SNTG2: variants seen among roughly 807,000 people sequenced by gnomAD.
SNTG2 encodes the protein gamma-2-syntrophin.
In SNTG2, 74 loss-of-function variants were observed where a neutral mutation model predicts 70.9. The ratio of observed to expected loss-of-function variants is 1.04; its 90% CI spans 0.86 to 1.27. The LOEUF is 1.27. SNTG2 is among the 50% of genes most tolerant of loss of function. The pLI, the probability that SNTG2 is intolerant of heterozygous loss-of-function variation, is 0.00. For missense variants in SNTG2, 717 were observed against 690.7 expected (o/e 1.04, Z -0.43); for synonymous variants, 278 against 273.8 (o/e 1.02, Z -0.15).
At chr2:1,140,430 C>T (rs28472506) in intron 6 of SNTG2, among the ~76,000 whole-genome samples, 28,749 of 152,074 alleles carry the variant, frequency 0.19, 2,795 homozygotes, top group Non-Finnish European at 0.22. Context: ...AGATCGATGA[C>T]GGCTGTCACT....
intron 4 of SNTG2, among the ~76,000 whole-genome samples, chr2:1,110,026 G>A (rs1233574479): frequency 1.3e-5 from 2 of 152,156 alleles, no homozygotes; most frequent in African/African-American, 2.4e-5. Flanking sequence ...GGTTGGACAC[G>A]AGGCTCACTG....
chr2:1,209,261 T>G (rs752882850), intron 9 of SNTG2, 31 bp downstream of exon 9: 30 of 1,613,364 alleles, frequency 1.9e-5, no homozygotes, highest in Non-Finnish European at 2.5e-5. Flanking sequence ...ATGGGAAACT[T>G]TGATGAACCC....
intron 1 of SNTG2, among the ~76,000 whole-genome samples, chr2:965,327 C>T (rs1421246850): frequency 6.3e-5 from 8 of 127,972 alleles, no homozygotes; most frequent in Non-Finnish European, 1.2e-4. Context: ...TCCTTGGACC[C>T]CAATCCTCCT....
At chr2:1,179,877 C>A (rs996494318) in intron 8 of SNTG2, among the ~76,000 whole-genome samples, 47 of 142,952 alleles carry the variant, frequency 3.3e-4, no homozygotes, top group African/African-American at 1.2e-3. Context: ...AGATATAGAT[C>A]AATGGAACAG....
chr2:1,197,215 G>A (rs939675602), intron 8 of SNTG2, among the ~76,000 whole-genome samples: 2 of 151,936 alleles, frequency 1.3e-5, no homozygotes, highest in Admixed American at 1.3e-4. Flanking sequence ...ATTATATGCT[G>A]CCCACAAGAA....
intron 12 of SNTG2, among the ~76,000 whole-genome samples, chr2:1,251,854 C>T (rs1351660743): frequency 6.6e-6 from 1 of 152,226 alleles, no homozygotes; most frequent in African/African-American, 2.4e-5. Context: ...CATGCACACA[C>T]ACCCAGACCA....
chr2:1,327,098 T>A (rs898538673), intron 16 of SNTG2, among the ~76,000 whole-genome samples: 6 of 152,128 alleles, frequency 3.9e-5, no homozygotes, highest in Non-Finnish European at 8.8e-5. Flanking sequence ...CCAGTTTTTG[T>A]TGCTGGAAAT....
chr2:1,069,980 T>A (rs1663417576), intron 1 of SNTG2, among the ~76,000 whole-genome samples: 1 of 152,006 alleles, frequency 6.6e-6, no homozygotes, highest in African/African-American at 2.4e-5. Flanking sequence ...CCACTGTTTC[T>A]CCCTCCAAGT....
At chr2:1,337,505 G>T (rs1659876731) in intron 16 of SNTG2, among the ~76,000 whole-genome samples, 1 of 152,036 alleles carries the variant, frequency 6.6e-6, no homozygotes, top group South Asian at 2.1e-4. Flanking sequence ...TAAATATTCA[G>T]ATTTTTTGCC....
chr2:973,624 CTT>C (rs1038676767), intron 1 of SNTG2, among the ~76,000 whole-genome samples: 3 of 151,514 alleles, frequency 2.0e-5, no homozygotes, highest in African/African-American at 7.3e-5. Flanking sequence ...CTGCCTTTTT[CTT>C]TTTCTCCTCT....
chr2:1,082,362 A>G (rs1664383753), intron 1 of SNTG2, among the ~76,000 whole-genome samples: 1 of 152,144 alleles, frequency 6.6e-6, no homozygotes, highest in South Asian at 2.1e-4. Context: ...GGGCAGACGC[A>G]GGCGCTGGGG....
intron 12 of SNTG2, among the ~76,000 whole-genome samples, chr2:1,252,242 T>C (rs546754549): frequency 6.6e-6 from 1 of 152,338 alleles, no homozygotes; most frequent in Non-Finnish European, 1.5e-5. Context: ...ACTGGAGAGA[T>C]AAAAAGGTGC....
At chr2:977,950 C>T (rs1014814193) in intron 1 of SNTG2, among the ~76,000 whole-genome samples, 1 of 152,182 alleles carries the variant, frequency 6.6e-6, no homozygotes, top group African/African-American at 2.4e-5. Context: ...CATGTAAGAT[C>T]GCTGTCATTA....
At chr2:1,271,379 A>G (rs960206601) in intron 14 of SNTG2, among the ~76,000 whole-genome samples, 1 of 152,062 alleles carries the variant, frequency 6.6e-6, no homozygotes, top group African/African-American at 2.4e-5. Context: ...TTTCATGTCA[A>G]TTTATCTAAA....
At chr2:1,126,605 T>C (rs1329299339) in intron 4 of SNTG2, among the ~76,000 whole-genome samples, 2 of 152,096 alleles carry the variant, frequency 1.3e-5, no homozygotes, top group Non-Finnish European at 2.9e-5. Context: ...GCAGTGTGAG[T>C]TTCCCTTCCT....
intron 1 of SNTG2, among the ~76,000 whole-genome samples, chr2:1,074,044 G>C (rs191940670): frequency 1.3e-5 from 2 of 152,148 alleles, no homozygotes; most frequent in African/African-American, 4.8e-5. Context: ...TGATATGTGG[G>C]TTCAAAAGGA....
At chr2:1,158,264 G>A (rs1291910672) in intron 6 of SNTG2, 3 of 152,220 alleles carry the variant, frequency 2.0e-5, no homozygotes, top group African/African-American at 7.2e-5. Flanking sequence ...TCAAGTTCAT[G>A]TGAAGGAAGC....
intron 16 of SNTG2, among the ~76,000 whole-genome samples, chr2:1,354,898 C>T (rs1435662788): frequency 6.6e-6 from 1 of 152,216 alleles, no homozygotes; most frequent in African/African-American, 2.4e-5. Flanking sequence ...TCTGGGTAGA[C>T]GTTTCACAGG....
intron 16 of SNTG2, among the ~76,000 whole-genome samples, chr2:1,350,832 G>A (rs949348723): frequency 2.6e-5 from 4 of 152,108 alleles, no homozygotes; most frequent in African/African-American, 4.8e-5. Context: ...CTAGCCTTAC[G>A]AAAGCAAATG....
Sources: gnomAD v4.1 joint callset for allele counts (sites outside exome capture counted in the v4.1 genomes callset) on GRCh38, gnomAD v4.1.1 for gene constraint, MANE v1.5 for transcripts, NCBI Gene and HGNC (gene_info 2026-07-23, HGNC 2026-07-21) for gene names.